Variants in MICU3 observed in about 807,000 individuals in gnomAD.
MICU3 encodes the protein calcium uptake protein 3, mitochondrial.
A neutral mutation model predicts 66.5 loss-of-function variants in MICU3; 62 were observed. The ratio of observed to expected loss-of-function variants is 0.93; its 90% CI spans 0.76 to 1.15. The LOEUF (loss-of-function observed/expected upper bound fraction) is 1.15. Ranked by LOEUF, MICU3 falls within the 50% of genes most tolerant of loss-of-function variation. The pLI is 0.00. For missense variants in MICU3, 779 were observed against 664.4 expected, an observed-to-expected ratio of 1.17 and a Z score of -1.90; for synonymous variants, 308 against 240.7, an observed-to-expected ratio of 1.28 and a Z score of -2.59.
chr8:17,067,129 C>G (rs1280798187), intron 2 of MICU3, among the ~76,000 whole-genome samples: 1 of 150,342 alleles, frequency 6.7e-6, no homozygotes, highest in Non-Finnish European at 1.5e-5. Flanking sequence ...ATTCATAAAT[C>G]CTGTTTTGAA....
chr8:17,028,028 C>T (rs1379987069), intron 1 of MICU3, among the ~76,000 whole-genome samples: 1 of 152,172 alleles, frequency 6.6e-6, no homozygotes, highest in African/African-American at 2.4e-5. Flanking sequence ...CGCGGGGCGA[C>T]AGCTAATGAC....
chr8:17,060,894 C>T (rs1238794214), intron 1 of MICU3, among the ~76,000 whole-genome samples: 1 of 151,752 alleles, frequency 6.6e-6, no homozygotes, highest in Admixed American at 6.6e-5. Flanking sequence ...TGGGCCCGCA[C>T]CTAATACCAT....
In MICU3 at chr8:17,073,722, G is replaced by T. The variant is rs561491455; in HGVS notation, c.567+4003G>T. Among the ~76,000 whole-genome samples the T allele has an allele frequency of 6.6e-5, 10 of 152,206 alleles. No homozygotes were observed. The South Asian group carries it at 1.7e-3, about 25-fold the overall frequency. On this transcript the variant is annotated intron_variant, in intron 3 of 14. Transcript: ENST00000318063. ...TATATGTGTTTCCTGAACATCAATT[G>T]TAATAGCAAAAATTTGGGAACAATA... is the stretch of plus-strand genomic sequence containing the variant.
At chr8:17,113,472 C>A (rs1019124679) in intron 11 of MICU3, among the ~76,000 whole-genome samples, 10 of 152,214 alleles carry the variant, frequency 6.6e-5, no homozygotes, top group Non-Finnish European at 7.3e-5. Flanking sequence ...CCCTGACCAC[C>A]AGTCCTTTAC....
chr8:17,056,711 C>G (rs1198861812), intron 1 of MICU3, among the ~76,000 whole-genome samples: 1 of 152,188 alleles, frequency 6.6e-6, no homozygotes, highest in Non-Finnish European at 1.5e-5. Flanking sequence ...TATGCTATCA[C>G]AAGGGATGTG....
intron 1 of MICU3, among the ~76,000 whole-genome samples, chr8:17,042,744 T>C (rs1417042144): frequency 6.6e-6 from 1 of 152,134 alleles, no homozygotes; most frequent in African/African-American, 2.4e-5. Flanking sequence ...TAAAACTCCA[T>C]TTCTAGAATT....
intron 1 of MICU3, among the ~76,000 whole-genome samples, chr8:17,041,961 C>G (rs1180994989): frequency 6.6e-6 from 1 of 152,126 alleles, no homozygotes; most frequent in Non-Finnish European, 1.5e-5. Context: ...GAGGATTGAC[C>G]TAGCCACTGT....
At chr8:17,086,156 A>G (rs1408735830) in intron 6 of MICU3, among the ~76,000 whole-genome samples, 4 of 152,030 alleles carry the variant, frequency 2.6e-5, no homozygotes, top group Non-Finnish European at 5.9e-5. Flanking sequence ...CCTCCTGAAC[A>G]GCCATTTTAT....
chr8:17,128,418 T>A, the MICU3 span, among the ~76,000 whole-genome samples: 1 of 152,296 alleles, frequency 6.6e-6, no homozygotes, highest in South Asian at 2.1e-4. Context: ...AAAATGCATA[T>A]GTTGGAACTG....
rs147165137 is a variant in MICU3, at chr8:17,097,247, A to T, written c.889-1211A>T. ...TATTTATTGAGGTTATTCCATATCT[A>T]TATAAAATAAAATGAACTGTATTAG... On this transcript the variant is annotated intron_variant, in intron 8 of 14. Coordinates refer to ENST00000318063, the MANE Select transcript of MICU3 (RefSeq NM_181723.3). Among the ~76,000 whole-genome samples the T allele has an allele frequency of 8.1e-3, 1,229 of 151,930 alleles. 4 individuals are homozygous for T. The highest frequency in any genetic ancestry group is 0.013 in the Non-Finnish European group (895 of 67,838).
intron 11 of MICU3, among the ~76,000 whole-genome samples, 160 bp from the exon 12 acceptor site, chr8:17,113,933 T>C (rs1802442365): frequency 2.0e-5 from 3 of 151,586 alleles, no homozygotes; most frequent in Admixed American, 2.0e-4. Context: ...TGAGTGAATT[T>C]TACATTCCAG....
intron 1 of MICU3, among the ~76,000 whole-genome samples, chr8:17,032,743 T>TA (rs1246047863): frequency 6.6e-6 from 1 of 152,240 alleles, no homozygotes; most frequent in Non-Finnish European, 1.5e-5. Context: ...GCTTCACAGA[T>TA]ACTGCATTTT....
intron 7 of MICU3, among the ~76,000 whole-genome samples, chr8:17,089,237 T>G (rs1799792465): frequency 6.6e-6 from 1 of 152,030 alleles, no homozygotes; most frequent in Non-Finnish European, 1.5e-5. Context: ...GAAATAATCT[T>G]TAGTACAACT....
intron 1 of MICU3, among the ~76,000 whole-genome samples, chr8:17,058,139 C>T (rs3850756): frequency 0.22 from 32,780 of 152,116 alleles, 4,243 homozygotes; most frequent in East Asian, 0.64. Flanking sequence ...TGACATATTA[C>T]ACTTAGCGAC....
At position 17,104,463 on chromosome 8, in the gene MICU3, G is replaced by A. The variant is rs1263483158; in HGVS notation, c.1057G>A (p.Ala353Thr). 6.9e-7 allele frequency: 1 copy of A among 1,459,390 alleles called. No homozygotes were observed. Among genetic ancestry groups the A allele is most frequent in the African/African-American group, 1.4e-5 (1 of 71,870 alleles). 90.4% of individuals were successfully genotyped at this position (1,459,390 alleles called of 1,614,324 possible). ...LVHFFGKKGK[A>T]ELNFEDFYRF... ...ACACTTTTTTGGAAAGAAAGGAAAA[G>A]CTGAGCTCAACTTTGAAGATTTTTA... Residue 353 changes from alanine to threonine, a missense_variant, in exon 10 of 15, where the codon GCT becomes ACT. Transcript: ENST00000318063.
the MICU3 span, chr8:17,132,231 C>T: frequency 6.6e-6 from 1 of 152,136 alleles, no homozygotes; most frequent in African/African-American, 2.4e-5. Context: ...TAAGTACATA[C>T]ACATGAAAAG....
At chr8:17,084,841 T>C (rs185761941) in intron 5 of MICU3, among the ~76,000 whole-genome samples, 1 of 152,130 alleles carries the variant, frequency 6.6e-6, no homozygotes, top group East Asian at 1.9e-4. Context: ...ATTTTAGTTA[T>C]AATTTTCCCA....
intron 8 of MICU3, among the ~76,000 whole-genome samples, chr8:17,091,917 C>T (rs970836507): frequency 1.4e-4 from 22 of 152,024 alleles, no homozygotes; most frequent in Admixed American, 9.8e-4. Context: ...TTTGCTCTGT[C>T]GCCCAGCTGG....
rs1029713721 is a variant in MICU3, at chr8:17,114,022, C to T, written c.1258-71C>T. On this transcript the variant is annotated intron_variant, in intron 11 of 14. Transcript: ENST00000318063. ...GCAAATGCTTAATCTGTTTTTTTCT[C>T]TTATGTGTAGATCCTGATTTTAATA... 6 of 955,604 alleles carry T rather than the reference C, an allele frequency of 6.3e-6. No individual in the cohort carries two copies. The East Asian group carries it at 7.4e-5, about 12-fold the overall frequency. The allele number at this position is 955,604 out of a possible 1,614,324, so 59.2% of individuals were successfully genotyped here.
Sources: allele counts gnomAD v4.1 joint callset (sites outside exome capture counted in the v4.1 genomes callset), GRCh38; gene constraint gnomAD v4.1.1; transcripts MANE v1.5; gene names NCBI Gene and HGNC (gene_info 2026-07-23, HGNC 2026-07-21).